MTA3: variants seen among roughly 807,000 people sequenced by gnomAD.
MTA3 encodes the protein metastasis-associated protein MTA3.
Under a neutral mutation model 83.5 loss-of-function variants are expected in MTA3, and 34 were observed. The ratio of observed to expected loss-of-function variants is 0.41; its 90% CI spans 0.31 to 0.54. The LOEUF is 0.54. Among genes scored for constraint, MTA3 ranks in the 20% least tolerant of loss-of-function variants. The pLI is 0.33. For synonymous variants in MTA3, 303 were observed against 252.7 expected (o/e 1.20, Z -1.89); for missense variants, 761 against 726.4 (o/e 1.05, Z -0.55).
chr2:42,566,947 T>A (rs1677939241), upstream of MTA3, among the ~76,000 whole-genome samples: 1 of 152,234 alleles, frequency 6.6e-6, no homozygotes, highest in Non-Finnish European at 1.5e-5. Context: ...ACCCTATTTA[T>A]GTGTCAGCTC....
intron 16 of MTA3, among the ~76,000 whole-genome samples, chr2:42,748,863 G>T (rs1421545256): frequency 2.0e-5 from 3 of 152,174 alleles, no homozygotes; most frequent in Non-Finnish European, 2.9e-5. Flanking sequence ...TTACATTGGT[G>T]GATCACTTCG....
intron 2 of MTA3, among the ~76,000 whole-genome samples, chr2:42,496,150 G>A (rs1674120816): frequency 6.6e-6 from 1 of 152,132 alleles, no homozygotes; most frequent in Admixed American, 6.6e-5. Context: ...TGAACCAGTT[G>A]AAGAAATATC....
intron 2 of MTA3, among the ~76,000 whole-genome samples, chr2:42,502,673 T>A (rs772402513): frequency 2.6e-5 from 4 of 151,876 alleles, no homozygotes; most frequent in Non-Finnish European, 4.4e-5. Flanking sequence ...GGCGCATGCC[T>A]GTAATCCCAG....
At chr2:42,615,111 C>T (rs550506098) in intron 4 of MTA3, among the ~76,000 whole-genome samples, 5 of 151,814 alleles carry the variant, frequency 3.3e-5, no homozygotes, top group African/African-American at 9.7e-5. Flanking sequence ...GCCAACGTGG[C>T]GAAACCCCAT....
chr2:42,512,079 A>G (rs1439077540), intron 2 of MTA3, among the ~76,000 whole-genome samples: 2 of 151,318 alleles, frequency 1.3e-5, no homozygotes, highest in Non-Finnish European at 2.9e-5. Context: ...TTTCTGTGGA[A>G]ACCTGAGAAG....
chr2:42,748,436 G>A (rs958755203), intron 16 of MTA3, among the ~76,000 whole-genome samples: 3 of 152,146 alleles, frequency 2.0e-5, no homozygotes, highest in Non-Finnish European at 2.9e-5. Context: ...GATTTTTAGA[G>A]TTCTATCATC....
intron 3 of MTA3, among the ~76,000 whole-genome samples, chr2:42,590,443 A>T (rs1030518593): frequency 1.3e-5 from 2 of 152,140 alleles, no homozygotes; most frequent in South Asian, 4.1e-4. Context: ...GCCATGACTG[A>T]AAGCAGCCTG....
intron 3 of MTA3, among the ~76,000 whole-genome samples, chr2:42,581,043 AAGTT>A (rs766785938): frequency 2.6e-5 from 4 of 152,158 alleles, no homozygotes; most frequent in Non-Finnish European, 5.9e-5. Context: ...TTAGCCAGGC[AAGTT>A]AGTTGTCTCA....
Position 42,754,737 on chromosome 2 carries a change from C to G in MTA3, c.*1338C>G. 1.0e-6 allele frequency: 1 copy of G among 985,476 alleles called. No individual in the cohort carries two copies. The highest frequency in any genetic ancestry group is 1.2e-6 in the Non-Finnish European group (1 of 829,974). The allele number at this position is 985,476 out of a possible 1,614,324, so 61.0% of individuals were successfully genotyped here. A position where few individuals can be genotyped will look rare whatever the true frequency, so the allele number is the denominator to read the frequency against. On this transcript the variant is annotated 3_prime_UTR_variant, in exon 17 of 17. Coordinates refer to ENST00000405094, the MANE Select transcript of MTA3 (RefSeq NM_001330442.2). ...TGGCAGATACGAGAGGCCCAAATAG[C>G]CAAGCTGTTGCAAGACAGAGTGGCT...
intron 3 of MTA3, among the ~76,000 whole-genome samples, chr2:42,582,257 A>G (rs926961552): frequency 6.6e-6 from 1 of 151,894 alleles, no homozygotes; most frequent in Non-Finnish European, 1.5e-5. Context: ...ACGGGGTTTC[A>G]CCGCGTTAGC....
chr2:42,534,414 G>A (rs372463159), intron 2 of MTA3, among the ~76,000 whole-genome samples: 29 of 152,208 alleles, frequency 1.9e-4, no homozygotes, highest in Admixed American at 7.2e-4. Context: ...TGGCCAACAC[G>A]GCAAAACCCC....
At position 42,657,053 on chromosome 2, in the gene MTA3, T is replaced by G. The variant is rs567975858; in HGVS notation, c.602+751T>G. On this transcript the variant is annotated intron_variant, in intron 7 of 16. Transcript: ENST00000405094. The stretch of plus-strand genomic sequence containing the variant: ...TTTATTAGTGGATTTTTAAATACAT[T>G]AAATGGGTATATATAGTATATATGA... Among the ~76,000 whole-genome samples the G allele has an allele frequency of 3.9e-5, 6 of 152,288 alleles. No individual in the cohort carries two copies. The South Asian group carries it at 1.0e-3, about 26-fold the overall frequency.
At chr2:42,629,742 G>T (rs1395423455) in intron 4 of MTA3, among the ~76,000 whole-genome samples, 1 of 152,022 alleles carries the variant, frequency 6.6e-6, no homozygotes, top group Non-Finnish European at 1.5e-5. Flanking sequence ...CCTCTGTGGG[G>T]GCCTTTAAAC....
intron 2 of MTA3, among the ~76,000 whole-genome samples, chr2:42,502,458 A>G (rs1313082032): frequency 6.6e-6 from 1 of 152,148 alleles, no homozygotes. Flanking sequence ...ATAGGGAAAT[A>G]ACATGCCATG....
chr2:42,694,664 C>T (rs1253957533), intron 9 of MTA3, among the ~76,000 whole-genome samples: 1 of 152,198 alleles, frequency 6.6e-6, no homozygotes, highest in Non-Finnish European at 1.5e-5. Flanking sequence ...CGATTCAAGA[C>T]GAGACTGTCT....
intron 4 of MTA3, among the ~76,000 whole-genome samples, chr2:42,619,068 C>T (rs1324560894): frequency 6.6e-6 from 1 of 152,146 alleles, no homozygotes; most frequent in African/African-American, 2.4e-5. Flanking sequence ...CTTGTTCTAG[C>T]TTGGTTGGTT....
At chr2:42,709,300 G>A (rs1391021535) in intron 14 of MTA3, 2 of 1,404,240 alleles carry the variant, frequency 1.4e-6, no homozygotes, top group East Asian at 5.3e-5. Context: ...TCAAAACATT[G>A]AAACTTCTGT....
At position 42,676,302 on chromosome 2, in the gene MTA3, A is replaced by G. The variant is rs577167721; in HGVS notation, c.703-6099A>G. On this transcript the variant is annotated intron_variant, in intron 8 of 16. Coordinates refer to ENST00000405094, the MANE Select transcript of MTA3 (RefSeq NM_001330442.2). ...CTACTTCAGTTCTTTGAAGCCCTTT[A>G]GGTAACAGCCCATCATCATTTAAAA... Among the ~76,000 whole-genome samples, 5 of 152,352 alleles carry G rather than the reference A, an allele frequency of 3.3e-5. No individual in the cohort carries two copies. In the East Asian group the frequency reaches 9.6e-4, roughly 29 times the overall value.
intron 6 of MTA3, among the ~76,000 whole-genome samples, chr2:42,649,898 A>C (rs1053642625): frequency 3.9e-5 from 6 of 152,232 alleles, no homozygotes; most frequent in Non-Finnish European, 5.9e-5. Flanking sequence ...TAAGGAGATA[A>C]AAGATCAGCG....
Sources: allele counts gnomAD v4.1 joint callset (sites outside exome capture counted in the v4.1 genomes callset), GRCh38; gene constraint gnomAD v4.1.1; transcripts MANE v1.5; gene names NCBI Gene and HGNC (gene_info 2026-07-23, HGNC 2026-07-21).